CNTN5: variants seen among roughly 807,000 people sequenced by gnomAD.
The protein encoded by CNTN5 is contactin-5.
In CNTN5, 77 loss-of-function variants were observed where a neutral mutation model predicts 129.1. The observed-to-expected ratio is 0.60, with a 90% confidence interval of 0.50 to 0.72. The LOEUF (loss-of-function observed/expected upper bound fraction) is 0.72. Ranked by LOEUF, CNTN5 falls within the 30% of genes least tolerant of loss-of-function variation. The probability of loss-of-function intolerance (pLI) is 0.00; values close to 1 mark genes in which losing one functional copy is unlikely to be tolerated. For missense variants in CNTN5, 1,478 were observed against 1,328.8 expected, an observed-to-expected ratio of 1.11 and a Z score of -1.75; for synonymous variants, 509 against 465.6, an observed-to-expected ratio of 1.09 and a Z score of -1.20.
chr11:100,045,382 T>G (rs1292040858), intron 9 of CNTN5, among the ~76,000 whole-genome samples: 1 of 152,080 alleles, frequency 6.6e-6, no homozygotes, highest in Non-Finnish European at 1.5e-5. Flanking sequence ...TTACGCATTG[T>G]GGGCTCCAAA....
At chr11:99,457,858 A>T (rs537643403) in intron 2 of CNTN5, among the ~76,000 whole-genome samples, 1 of 151,826 alleles carries the variant, frequency 6.6e-6, no homozygotes, top group Non-Finnish European at 1.5e-5. Flanking sequence ...ATTTTTCTCC[A>T]TGAACTCAAA....
intron 3 of CNTN5, among the ~76,000 whole-genome samples, chr11:99,636,610 C>T (rs936749779): frequency 7.9e-5 from 12 of 151,980 alleles, no homozygotes; most frequent in African/African-American, 2.9e-4. Flanking sequence ...CTGGTGTCCT[C>T]CAGACCAAGT....
At chr11:99,581,730 G>A (rs1036589537) in intron 3 of CNTN5, among the ~76,000 whole-genome samples, 1 of 152,120 alleles carries the variant, frequency 6.6e-6, no homozygotes, top group Non-Finnish European at 1.5e-5. Flanking sequence ...GTGTGTCTCA[G>A]CACATGAGAT....
chr11:100,023,340 A>T (rs994538988), intron 9 of CNTN5, among the ~76,000 whole-genome samples: 2 of 152,082 alleles, frequency 1.3e-5, no homozygotes, highest in East Asian at 1.9e-4. Context: ...GGATTTTTTT[A>T]AAAAGAACTT....
At chr11:99,633,398 A>G (rs1344889588) in intron 3 of CNTN5, among the ~76,000 whole-genome samples, 1 of 152,236 alleles carries the variant, frequency 6.6e-6, no homozygotes, top group Non-Finnish European at 1.5e-5. Context: ...GACATTTCTC[A>G]CATGTCTAAT....
At chr11:99,645,262 CAAAAAAAA>C (rs71050011) in intron 3 of CNTN5, among the ~76,000 whole-genome samples, 1 of 47,488 alleles carries the variant, frequency 2.1e-5, no homozygotes, top group Non-Finnish European at 4.1e-5. Context: ...TCCATCTCAA[CAAAAAAAA>C]AAAAAAAAAA....
intron 3 of CNTN5, among the ~76,000 whole-genome samples, chr11:99,665,954 TTTTTTTG>T (rs1449594478): frequency 6.6e-6 from 1 of 152,010 alleles, no homozygotes; most frequent in Admixed American, 6.6e-5. Context: ...GTTAACTGTT[TTTTTTTG>T]TTTTTGTTTT....
At chr11:99,334,433 T>G (rs1471757142) in intron 2 of CNTN5, among the ~76,000 whole-genome samples, 2 of 152,152 alleles carry the variant, frequency 1.3e-5, no homozygotes, top group Non-Finnish European at 2.9e-5. Context: ...CTTAATTTGA[T>G]CATTATACAA....
intron 8 of CNTN5, among the ~76,000 whole-genome samples, chr11:99,979,518 T>A (rs1240998825): frequency 2.0e-5 from 3 of 152,194 alleles, no homozygotes; most frequent in Non-Finnish European, 4.4e-5. Context: ...TCATCTTTTA[T>A]GTTTTTGTGT....
At chr11:99,385,836 G>A (rs1289716421) in intron 2 of CNTN5, among the ~76,000 whole-genome samples, 2 of 152,206 alleles carry the variant, frequency 1.3e-5, no homozygotes, top group East Asian at 1.9e-4. Flanking sequence ...TATATGGATT[G>A]TATATATGGA....
chr11:99,099,971 T>G (rs1404065004), intron 1 of CNTN5, among the ~76,000 whole-genome samples: 1 of 152,200 alleles, frequency 6.6e-6, no homozygotes, highest in Non-Finnish European at 1.5e-5. Context: ...GTTGAAATCA[T>G]ATTCTATTAT....
chr11:100,319,153 CT>C (rs1291858718), intron 21 of CNTN5, among the ~76,000 whole-genome samples: 19,723 of 136,966 alleles, frequency 0.14, 987 homozygotes, highest in East Asian at 0.22. Context: ...TTTTTCTTTT[CT>C]TTTTTTTTTT....
At chr11:100,050,793 G>A (rs1942916681) in intron 9 of CNTN5, among the ~76,000 whole-genome samples, 1 of 152,068 alleles carries the variant, frequency 6.6e-6, no homozygotes. Flanking sequence ...GTTGAAGAGA[G>A]TATCTTAATA....
intron 6 of CNTN5, among the ~76,000 whole-genome samples, chr11:99,871,593 T>A (rs1454014460): frequency 1.3e-5 from 2 of 152,070 alleles, no homozygotes; most frequent in African/African-American, 4.8e-5. Context: ...ACGTGATTTA[T>A]ATACATTTAT....
chr11:99,754,520 A>T (rs1228762802), intron 3 of CNTN5, among the ~76,000 whole-genome samples: 2 of 152,186 alleles, frequency 1.3e-5, no homozygotes, highest in Non-Finnish European at 2.9e-5. Flanking sequence ...TTATTTTCTT[A>T]AACAGAGACA....
intron 4 of CNTN5, among the ~76,000 whole-genome samples, chr11:99,829,248 A>T (rs1204588725): frequency 6.6e-6 from 1 of 152,184 alleles, no homozygotes; most frequent in East Asian, 1.9e-4. Flanking sequence ...AATTTGCTAT[A>T]CATATGTCCA....
At chr11:99,058,328 A>G (rs1864721286) in intron 1 of CNTN5, among the ~76,000 whole-genome samples, 1 of 152,060 alleles carries the variant, frequency 6.6e-6, no homozygotes, top group Non-Finnish European at 1.5e-5. Context: ...CAAGTCTGAC[A>G]TTCAGTGAAG....
chr11:99,059,601 C>CTT (rs1864790473), intron 1 of CNTN5, among the ~76,000 whole-genome samples: 1 of 152,120 alleles, frequency 6.6e-6, no homozygotes, highest in African/African-American at 2.4e-5. Flanking sequence ...CACACCTTCT[C>CTT]ATTGAAAGAG....
rs1442248125 is a variant in CNTN5, at chr11:99,844,918, A to T, written c.344A>T (p.Asp115Val). ...PDDIIFPTDS[D>V]EKKVALNCEV... ...GATATTATTTTTCCAACTGATTCTG[A>T]TGAAAAGAAGGTAGCATTGAATTGT... Residue 115 changes from aspartate (D) to valine (V), a missense_variant, in exon 5 of 25, where the codon GAT (aspartate) becomes GTT (valine). Transcript: ENST00000524871. 1 of 1,613,852 alleles carries T rather than the reference A, an allele frequency of 6.2e-7. No individual in the cohort carries two copies. The highest frequency in any genetic ancestry group is 2.2e-5 in the East Asian group (1 of 44,850).
Sources: allele counts gnomAD v4.1 joint callset (sites outside exome capture counted in the v4.1 genomes callset), GRCh38; gene constraint gnomAD v4.1.1; transcripts MANE v1.5; gene names NCBI Gene and HGNC (gene_info 2026-07-23, HGNC 2026-07-21).